Variants in CFAP251 observed in about 807,000 individuals in gnomAD.
CFAP251 encodes the protein cilia- and flagella-associated protein 251.
Under a neutral mutation model 126.7 loss-of-function variants are expected in CFAP251, and 93 were observed. The observed-to-expected ratio is 0.73, with a 90% confidence interval of 0.62 to 0.87. The LOEUF (loss-of-function observed/expected upper bound fraction) is 0.87, where lower values mean the gene tolerates loss of function less well. CFAP251 is among the 40% of genes least tolerant of loss of function. The pLI, the probability that CFAP251 is intolerant of heterozygous loss-of-function variation, is 0.00. For synonymous variants in CFAP251, 503 were observed against 506.9 expected, an observed-to-expected ratio of 0.99 and a Z score of 0.10; for missense variants, 1,287 against 1,389.2, an observed-to-expected ratio of 0.93 and a Z score of 1.17.
At chr12:121,960,439 A>G in intron 13 of CFAP251, 146 bp from the exon 14 acceptor site, 1 of 764,680 alleles carries the variant, frequency 1.3e-6, no homozygotes, top group Non-Finnish European at 2.1e-6. Context: ...GCTGGTCTCA[A>G]ACTCCCGACC....
intron 5 of CFAP251, among the ~76,000 whole-genome samples, chr12:121,937,869 T>TAC (rs1880953129): frequency 6.6e-6 from 1 of 152,348 alleles, no homozygotes; most frequent in East Asian, 1.9e-4. Flanking sequence ...ATACATGGCC[T>TAC]TTGTGTCTGG....
At chr12:121,960,895 A>G in intron 14 of CFAP251, 137 bp downstream of exon 14, 1 of 1,072,680 alleles carries the variant, frequency 9.3e-7, no homozygotes, top group Non-Finnish European at 1.3e-6. Flanking sequence ...AAGGATCACA[A>G]ACCTCTCCAG....
rs965045397 is a variant in CFAP251, at chr12:121,918,897, C to T, written c.-21+202C>T. Among the ~76,000 whole-genome samples the T allele has an allele frequency of 1.3e-4, 20 of 152,264 alleles. No individual in the cohort carries two copies. The highest frequency in any genetic ancestry group is 4.3e-4 in the African/African-American group (18 of 41,558). On this transcript the variant is annotated intron_variant, in intron 1 of 21. Coordinates refer to ENST00000288912, the MANE Select transcript of CFAP251 (RefSeq NM_144668.6). The surrounding 1 kb of genome is among the most constrained non-coding windows in gnomAD (Gnocchi z 4.3). ...CCTCGCAGAGCCACGCACCTGGCAC[C>T]CCTGCCCCAAACCCCTGCGGCTCGA...
At chr12:121,968,963 T>G in intron 17 of CFAP251, 2 of 985,322 alleles carry the variant, frequency 2.0e-6, no homozygotes, top group African/African-American at 3.5e-5. Flanking sequence ...TCTACCCAAA[T>G]CCGGCATGCT....
intron 15 of CFAP251, among the ~76,000 whole-genome samples, chr12:121,964,769 A>G (rs761619936): frequency 3.3e-5 from 5 of 152,124 alleles, no homozygotes; most frequent in Non-Finnish European, 4.4e-5. Flanking sequence ...GCGTGGTGGC[A>G]TGCACCTGTA....
At chr12:121,977,524 G>T (rs1287821539) in intron 19 of CFAP251, among the ~76,000 whole-genome samples, 1 of 152,160 alleles carries the variant, frequency 6.6e-6, no homozygotes, top group Non-Finnish European at 1.5e-5. Flanking sequence ...GCTGGGCATG[G>T]TGGCGCACGC....
intron 17 of CFAP251, among the ~76,000 whole-genome samples, chr12:121,970,223 A>C (rs1882287711): frequency 6.6e-6 from 1 of 151,732 alleles, no homozygotes; most frequent in South Asian, 2.1e-4. Context: ...TTCATTCCGC[A>C]CGCCCCTTCT....
Position 121,921,424 on chromosome 12 carries a change from CA to C in CFAP251, c.123del (p.Asp42MetfsTer4), listed in dbSNP as rs749163856. On this transcript the variant is annotated frameshift_variant, in exon 2 of 22. Transcript: ENST00000288912. LOFTEE classifies it high-confidence loss of function. ...YKEVEDPQQE[S>X]KDDTIAWRES... is the part of the protein sequence containing the mutation. Reference sequence around the variant, plus strand: ...GAAGTAGAAGATCCACAACAGGAATCAAAAGATGACACAATAGCATGGAGAG... The same window carrying C: ...GAAGTAGAAGATCCACAACAGGAATCAAAGATGACACAATAGCATGGAGAG... The C allele has an allele frequency of 1.9e-6, 3 of 1,612,884 alleles. No individual in the cohort carries two copies. The South Asian group carries it at 3.3e-5, about 18-fold the overall frequency.
intron 19 of CFAP251, among the ~76,000 whole-genome samples, chr12:121,984,252 A>AC (rs1194837082): frequency 6.6e-6 from 1 of 152,142 alleles, no homozygotes; most frequent in African/African-American, 2.4e-5. Flanking sequence ...CAGGAGCAAA[A>AC]CACAGCCAAA....
intron 19 of CFAP251, among the ~76,000 whole-genome samples, chr12:121,983,842 C>T (rs1186597161): frequency 6.6e-6 from 1 of 152,080 alleles, no homozygotes; most frequent in Non-Finnish European, 1.5e-5. Flanking sequence ...TAGTTTATAT[C>T]TGAAGCTACA....
intron 15 of CFAP251, 82 bp downstream of exon 15, chr12:121,962,244 C>T (rs1254654195): frequency 3.8e-6 from 5 of 1,322,890 alleles, no homozygotes; most frequent in Non-Finnish European, 5.2e-6. Context: ...CACATAGGGA[C>T]CTGCAGGCAG....
At chr12:121,987,235 T>C (rs909292307) in intron 19 of CFAP251, among the ~76,000 whole-genome samples, 1 of 152,198 alleles carries the variant, frequency 6.6e-6, no homozygotes, top group South Asian at 2.1e-4. Context: ...CTGAAGGTAA[T>C]AGAAGTGGCC....
intron 3 of CFAP251, among the ~76,000 whole-genome samples, chr12:121,928,626 G>GTGTGTATA (rs148145141): frequency 2.1e-4 from 9 of 43,182 alleles, no homozygotes; most frequent in East Asian, 1.0e-3. Flanking sequence ...ATGTATATGT[G>GTGTGTATA]TATATATATA....
At position 121,923,624 on chromosome 12, in the gene CFAP251, A is replaced by C. The variant is rs563593786; in HGVS notation, c.381A>C (p.Lys127Asn). The C allele has an allele frequency of 2.5e-4, 400 of 1,593,898 alleles. 4 individuals carry two copies. In the South Asian group the frequency reaches 4.3e-3, roughly 17 times the overall value. The change falls in exon 3 of 22, where the codon AAA becomes AAC. Residue 127 changes from lysine to asparagine, a missense_variant and splice_region_variant. Lys to Asn is a moderately conservative substitution (Grantham distance 94). Transcript: ENST00000288912. ...TGATATTTTATTTCTTTTTAAAGAA[A>C]ACCCAAAGAGGTAGCAAGTCAAAGC... Reference protein sequence around the residue: ...SQSITSGIFPKTQRGSKSKLS... With the variant: ...SQSITSGIFPNTQRGSKSKLS...
chr12:121,966,525 G>A (rs1454349642), intron 15 of CFAP251, among the ~76,000 whole-genome samples: 10 of 129,002 alleles, frequency 7.8e-5, no homozygotes, highest in East Asian at 2.5e-4. Context: ...CACCTGCCTC[G>A]GCCTCCCAAA....
intron 19 of CFAP251, chr12:121,997,794 C>G (rs149439693): frequency 5.2e-4 from 79 of 151,686 alleles, no homozygotes; most frequent in African/African-American, 1.8e-3. Context: ...ACTTGTCACC[C>G]AGGCTGGAGT....
intron 17 of CFAP251, among the ~76,000 whole-genome samples, chr12:121,973,566 C>T (rs1196398037): frequency 6.6e-6 from 1 of 152,214 alleles, no homozygotes; most frequent in African/African-American, 2.4e-5. Context: ...CCCATGAAAG[C>T]AGCCAGGAGG....
At chr12:121,990,193 G>A (rs149068737) in intron 19 of CFAP251, among the ~76,000 whole-genome samples, 2,225 of 152,320 alleles carry the variant, frequency 0.015, 29 homozygotes, top group Non-Finnish European at 0.019. Context: ...AGCATGCAGG[G>A]CCAAGCCAAG....
At chr12:121,983,734 C>G (rs1882682089) in intron 19 of CFAP251, among the ~76,000 whole-genome samples, 1 of 148,584 alleles carries the variant, frequency 6.7e-6, no homozygotes, top group Non-Finnish European at 1.5e-5. Context: ...GGCTTTTTAT[C>G]TACTTTAAAA....
Sources: allele counts gnomAD v4.1 joint callset (sites outside exome capture counted in the v4.1 genomes callset), GRCh38; gene constraint gnomAD v4.1.1; non-coding constraint Gnocchi (gnomAD v3.1); transcripts MANE v1.5; gene names NCBI Gene and HGNC (gene_info 2026-07-23, HGNC 2026-07-21).